Variants in THBS3 observed in about 807,000 individuals in gnomAD.
The protein encoded by THBS3 is thrombospondin-3.
In THBS3, 78 loss-of-function variants were observed where a neutral mutation model predicts 118.3. That is an observed-to-expected ratio of 0.66 (90% confidence interval 0.55 to 0.80). The LOEUF (loss-of-function observed/expected upper bound fraction) is 0.80, where lower values mean the gene tolerates loss of function less well. THBS3 is among the 30% of genes least tolerant of loss of function. The pLI is 0.00. For synonymous variants in THBS3, 427 were observed against 475.3 expected, an observed-to-expected ratio of 0.90 and a Z score of 1.32; for missense variants, 1,057 against 1,247.4, an observed-to-expected ratio of 0.85 and a Z score of 2.30.
At position 155,197,596 on chromosome 1, in the gene THBS3, T is replaced by C. The variant is rs773443164; in HGVS notation, c.2366A>G (p.Asp789Gly). ...GTFHVNTVTD[D>G]DYAGFLFSYQ... ...ACTGAAGAGAAAGCCTGCGTAGTCATCATCAGTCACTGTGTTCACATGGAA... is the reference window on the plus strand; with the variant it reads ...ACTGAAGAGAAAGCCTGCGTAGTCACCATCAGTCACTGTGTTCACATGGAA... Residue 789 changes from aspartate to glycine, a missense_variant, in exon 20 of 23, where the codon GAT becomes GGT. Physicochemically the swap from Asp to Gly is moderately conservative, Grantham distance 94. Transcript: ENST00000368378. The surrounding 1 kb of genome is among the most constrained non-coding windows in gnomAD (Gnocchi z 5.0). 3 of 1,612,272 alleles carry C rather than the reference T, an allele frequency of 1.9e-6. No individual in the cohort carries two copies. Among genetic ancestry groups the C allele is most frequent in the Non-Finnish European group, 2.5e-6 (3 of 1,179,786 alleles).
At chr1:155,200,808 T>C in intron 13 of THBS3, 89 bp downstream of exon 13, 1 of 1,609,364 alleles carries the variant, frequency 6.2e-7, no homozygotes, top group Non-Finnish European at 8.5e-7. Context: ...TGGCCCTTAC[T>C]AGAGAGCTGC....
At chr1:155,196,985 A>C (rs1668775893) in intron 21 of THBS3, 56 bp downstream of exon 21, 13 of 1,563,094 alleles carry the variant, frequency 8.3e-6, no homozygotes, top group Non-Finnish European at 1.1e-5. Context: ...TCCCAGCTAA[A>C]GAGGAAGGAC....
At chr1:155,207,771 G>A (rs747960318) in intron 1 of THBS3, 27 bp downstream of exon 1, 27 of 1,611,006 alleles carry the variant, frequency 1.7e-5, no homozygotes, top group Admixed American at 3.3e-5. Flanking sequence ...AGCAGAGAGC[G>A]GTCTAAGAGG....
At chr1:155,198,325 C>A in intron 17 of THBS3, 84 bp downstream of exon 17, 1 of 1,585,848 alleles carries the variant, frequency 6.3e-7, no homozygotes, top group Non-Finnish European at 8.6e-7. Context: ...CCACCTTGCC[C>A]TTCCTCACTT....
At chr1:155,201,821 G>C in intron 10 of THBS3, 136 bp downstream of exon 10, 2 of 1,328,874 alleles carry the variant, frequency 1.5e-6, no homozygotes, top group South Asian at 1.3e-5. Context: ...TCCAAACCAA[G>C]TCCATGTGAA....
intron 2 of THBS3, 190 bp from the exon 3 acceptor site, chr1:155,205,506 G>A (rs1003702993): frequency 6.1e-5 from 48 of 780,836 alleles, no homozygotes; most frequent in Admixed American, 2.3e-4. Flanking sequence ...GGCCAGGCAC[G>A]GTGGCTCACA....
intron 16 of THBS3, 139 bp downstream of exon 16, chr1:155,199,665 G>T: frequency 1.2e-6 from 1 of 805,114 alleles, no homozygotes; most frequent in South Asian, 1.7e-5. Flanking sequence ...TGAGGCATGA[G>T]AATCACTTGA....
Position 155,201,515 on chromosome 1 carries a change from C to T in THBS3, c.1231G>A (p.Gly411Ser). The change falls in exon 11 of 23, where the codon GGC becomes AGC. Residue 411 changes from glycine to serine, a missense_variant. Gly to Ser is a moderately conservative substitution (Grantham distance 56). This residue lies in a region of THBS3 where 544 missense variants were observed against 715.6 expected (regional missense o/e 0.76). Coordinates refer to ENST00000368378, the MANE Select transcript of THBS3 (RefSeq NM_007112.5). ...RLGFLGNQSQ[G>S]CLPARTCHSP... ...TGGCAGGTCCGGGCTGGGAGGCAGC[C>T]CTGGCTCTGGTTGCCCAGGAAACCC... 1 of 1,614,072 alleles carries T rather than the reference C, an allele frequency of 6.2e-7. No individual in the cohort carries two copies.
At chr1:155,204,135 C>T (rs748342201) in intron 4 of THBS3, among the ~76,000 whole-genome samples, 1 of 152,072 alleles carries the variant, frequency 6.6e-6, no homozygotes, top group Non-Finnish European at 1.5e-5. Context: ...CCACCACACC[C>T]GCCATCCCAT....
intron 3 of THBS3, 47 bp downstream of exon 3, chr1:155,205,013 G>A (rs756105763): frequency 1.2e-6 from 2 of 1,612,988 alleles, no homozygotes; most frequent in Non-Finnish European, 1.7e-6. Context: ...TTCCCCAGCT[G>A]GTGCAAACTC....
chr1:155,207,637 C>G (rs941991244), intron 1 of THBS3, among the ~76,000 whole-genome samples, 161 bp downstream of exon 1: 2 of 152,210 alleles, frequency 1.3e-5, no homozygotes, highest in African/African-American at 2.4e-5. Context: ...CTCCTCTCCA[C>G]CAGGCCATAA....
Position 155,202,308 on chromosome 1 carries a change from T to C in THBS3, c.1051A>G (p.Thr351Ala), listed in dbSNP as rs774652948. The change falls in exon 9 of 23, where the codon ACA becomes GCA. Residue 351 changes from threonine to alanine, a missense_variant. Physicochemically the swap from Thr to Ala is moderately conservative, Grantham distance 58. This residue lies in a region of THBS3 where 544 missense variants were observed against 715.6 expected (regional missense o/e 0.76). Coordinates refer to ENST00000368378, the MANE Select transcript of THBS3 (RefSeq NM_007112.5). The surrounding 1 kb of genome is among the most constrained non-coding windows in gnomAD (Gnocchi z 5.5). Reference sequence around the variant, plus strand: ...TCAATGCCCACACCAGACACCTGTGTGCCCTTGTACCCTCGAGGACAGGCC... The same window carrying C: ...TCAATGCCCACACCAGACACCTGTGCGCCCTTGTACCCTCGAGGACAGGCC... ...CEACPRGYKG[T>A]QVSGVGIDYA... The C allele has an allele frequency of 6.2e-7, 1 of 1,614,004 alleles. No homozygotes were observed. Among genetic ancestry groups the C allele is most frequent in the East Asian group, 2.2e-5 (1 of 44,900 alleles).
At chr1:155,200,827 G>T in intron 13 of THBS3, 70 bp downstream of exon 13, 2 of 1,612,246 alleles carry the variant, frequency 1.2e-6, no homozygotes, top group East Asian at 2.2e-5. Context: ...GCCAGATGAG[G>T]TAAGTGAGGC....
Position 155,197,125 on chromosome 1 carries a change from C to T in THBS3, c.2588G>A (p.Trp863Ter). 6.2e-7 allele frequency: 1 copy of T among 1,614,170 alleles called. No homozygotes were observed. Among genetic ancestry groups the T allele is most frequent in the South Asian group, 1.1e-5 (1 of 91,088 alleles). Reference sequence around the variant, plus strand: ...CCAGCCCACATTTCGTGGGTCTGTCCACAGCAGTCGTACCTGATCAGGGGT... The same window carrying T: ...CCAGCCCACATTTCGTGGGTCTGTCTACAGCAGTCGTACCTGATCAGGGGT... ...GHTPDQVRLL[W>*]TDPRNVGWRD... Residue 863 changes from tryptophan to a stop codon, truncating the protein, a stop_gained, in exon 21 of 23, where the codon TGG becomes TAG. Transcript: ENST00000368378. LOFTEE classifies it high-confidence loss of function. The surrounding 1 kb of genome is among the most constrained non-coding windows in gnomAD (Gnocchi z 5.0).
chr1:155,207,683 G>C (rs997611728), intron 1 of THBS3, 115 bp downstream of exon 1: 2 of 1,123,172 alleles, frequency 1.8e-6, no homozygotes, highest in Middle Eastern at 2.1e-4. Flanking sequence ...GTTTTCCTCT[G>C]GCTCAATTTC....
In THBS3 at chr1:155,201,464, T is replaced by C; in HGVS notation, c.1282A>G (p.Ile428Val). ...CHSPAHSPCH[I>V]HAHCLFERNG... Reference sequence around the variant, plus strand: ...CGTTCAAAGAGACAGTGAGCATGGATGTGGCAGGGGCTGTGGGCTGGGCTG... The same window carrying C: ...CGTTCAAAGAGACAGTGAGCATGGACGTGGCAGGGGCTGTGGGCTGGGCTG... Residue 428 changes from isoleucine (I) to valine (V), a missense_variant, in exon 11 of 23, where the codon ATC becomes GTC. This residue lies in a region of THBS3 where 544 missense variants were observed against 715.6 expected (regional missense o/e 0.76). Transcript: ENST00000368378. 2 of 1,613,426 alleles carry C rather than the reference T, an allele frequency of 1.2e-6. No individual in the cohort carries two copies. Among genetic ancestry groups the C allele is most frequent in the Non-Finnish European group, 1.7e-6 (2 of 1,179,646 alleles).
In THBS3 at chr1:155,195,909, G is replaced by A. The variant is rs773604667; in HGVS notation, c.2813-10C>T. 30 of 1,614,168 alleles carry A rather than the reference G, an allele frequency of 1.9e-5. No individual in the cohort carries two copies. The highest frequency in any genetic ancestry group is 2.5e-5 in the Non-Finnish European group (29 of 1,180,026). ...TCCTCAGGCACTGTGTCTGAAGAAGGGGAAATAAGTAAGGTCAGAGGATGT... is the reference window on the plus strand; with the variant it reads ...TCCTCAGGCACTGTGTCTGAAGAAGAGGAAATAAGTAAGGTCAGAGGATGT... On this transcript the variant is annotated splice_polypyrimidine_tract_variant and intron_variant, in intron 22 of 22. Transcript: ENST00000368378.
At position 155,203,209 on chromosome 1, in the gene THBS3, C is replaced by G. The variant is rs1208558864; in HGVS notation, c.756+14G>C. 6.2e-7 allele frequency: 1 copy of G among 1,614,072 alleles called. No homozygotes were observed. Among genetic ancestry groups the G allele is most frequent in the African/African-American group, 1.3e-5 (1 of 74,918 alleles). On this transcript the variant is annotated intron_variant, in intron 6 of 22. Transcript: ENST00000368378. ...CCCCAGAATCAGTGCCACCCTTCGC[C>G]AGCCCACCCAAACCTGGTCTCGTAT...
chr1:155,197,591 A>T lies in THBS3; in HGVS notation c.2371T>A (p.Tyr791Asn). 1.9e-6 allele frequency: 3 copies of T among 1,593,074 alleles called. No homozygotes were observed. Among genetic ancestry groups the T allele is most frequent in the Non-Finnish European group, 2.6e-6 (3 of 1,167,248 alleles). ...TGATAACTGAAGAGAAAGCCTGCGT[A>T]GTCATCATCAGTCACTGTGTTCACA... ...FHVNTVTDDDYAGFLFSYQDS... is the reference protein window; with the variant it reads ...FHVNTVTDDDNAGFLFSYQDS... The change falls in exon 20 of 23, where the codon TAC (tyrosine) becomes AAC (asparagine). Residue 791 changes from tyrosine (Y) to asparagine (N), a missense_variant. By Grantham distance (143) the Tyr-to-Asn change is moderately radical (BLOSUM62 -2). This residue lies in a region of THBS3 where 307 missense variants were observed against 326.1 expected (regional missense o/e 0.94). Transcript: ENST00000368378. This position sits in a 1 kb window ranked among gnomAD's most constrained non-coding sequence, Gnocchi z 5.0.
Sources: gnomAD v4.1 joint callset for allele counts (sites outside exome capture counted in the v4.1 genomes callset) on GRCh38, gnomAD v4.1.1 for gene constraint, gnomAD v4.1.1 regional missense constraint, Gnocchi (gnomAD v3.1) non-coding constraint, MANE v1.5 for transcripts, NCBI Gene and HGNC (gene_info 2026-07-23, HGNC 2026-07-21) for gene names.